GRAMD1B: variants seen among roughly 807,000 people sequenced by gnomAD.
The protein encoded by GRAMD1B is protein Aster-B.
A neutral mutation model predicts 99.7 loss-of-function variants in GRAMD1B; 37 were observed. The observed-to-expected ratio is 0.37, with a 90% CI of 0.29 to 0.49. GRAMD1B has a LOEUF of 0.49. GRAMD1B is among the 20% of genes least tolerant of loss of function. The pLI is 0.98. For synonymous variants in GRAMD1B, 427 were observed against 387.6 expected (o/e 1.10, Z -1.19); for missense variants, 888 against 1,009.2 (o/e 0.88, Z 1.63).
intron 4 of GRAMD1B, 46 bp downstream of exon 4, chr11:123,584,378 AG>A: frequency 3.2e-6 from 2 of 630,904 alleles, no homozygotes; most frequent in Non-Finnish European, 2.4e-6. Flanking sequence ...GAGAAATGGG[AG>A]GGGGAATGGA....
At chr11:123,434,420 A>G (rs993290821) in intron 1 of GRAMD1B, among the ~76,000 whole-genome samples, 1 of 152,134 alleles carries the variant, frequency 6.6e-6, no homozygotes. Flanking sequence ...TTAGGCCTCG[A>G]AGATGAAAGG....
intron 1 of GRAMD1B, chr11:123,459,732 C>T (rs1024519445): frequency 6.6e-6 from 1 of 152,072 alleles, no homozygotes; most frequent in Non-Finnish European, 1.5e-5. Flanking sequence ...ACTGGTTATT[C>T]ACAACTATCT....
At chr11:123,362,900 A>ACCAGTC (rs902947794) in intron 1 of GRAMD1B, among the ~76,000 whole-genome samples, 1 of 152,026 alleles carries the variant, frequency 6.6e-6, no homozygotes, top group Non-Finnish European at 1.5e-5. Flanking sequence ...TGGGAGGAGA[A>ACCAGTC]CCAGTCCCTG....
Position 123,593,999 on chromosome 11 carries a change from A to G in GRAMD1B, c.685-83A>G. On this transcript the variant is annotated intron_variant, in intron 4 of 19. Coordinates refer to ENST00000635736, the MANE Select transcript of GRAMD1B (RefSeq NM_001387025.1). ...CTCATCTTTGCTTTTTAAACACACA[A>G]GCAAGTGCTCCTCATCTTGCCCTTC... 4.3e-6 allele frequency: 4 copies of G among 940,146 alleles called. No individual in the cohort carries two copies. The Admixed American group carries it at 7.1e-5, about 17-fold the overall frequency. The allele number at this position is 940,146 out of a possible 1,614,324, so 58.2% of individuals were successfully genotyped here.
At chr11:123,552,087 A>T (rs1460109093) in intron 2 of GRAMD1B, among the ~76,000 whole-genome samples, 1 of 151,822 alleles carries the variant, frequency 6.6e-6, no homozygotes, top group Non-Finnish European at 1.5e-5. Flanking sequence ...CTGATCACAC[A>T]TGGGGCCCTG....
At chr11:123,566,017 A>T (rs1947333420) in intron 2 of GRAMD1B, among the ~76,000 whole-genome samples, 1 of 152,182 alleles carries the variant, frequency 6.6e-6, no homozygotes, top group Non-Finnish European at 1.5e-5. Flanking sequence ...TGTCTTTGCC[A>T]TGTGGAAAGG....
chr11:123,575,570 T>C (rs1375346220), intron 2 of GRAMD1B, among the ~76,000 whole-genome samples: 1 of 152,168 alleles, frequency 6.6e-6, no homozygotes, highest in African/African-American at 2.4e-5. Flanking sequence ...TAGAAGACAG[T>C]TTAAACCTTG....
chr11:123,424,195 T>C (rs1210317115), intron 1 of GRAMD1B, among the ~76,000 whole-genome samples: 1 of 150,116 alleles, frequency 6.7e-6, no homozygotes, highest in Non-Finnish European at 1.5e-5. Context: ...TCAAATTTCA[T>C]GCTGTCACCA....
chr11:123,585,423 C>T (rs1180952755), intron 4 of GRAMD1B, among the ~76,000 whole-genome samples: 1 of 152,210 alleles, frequency 6.6e-6, no homozygotes, highest in African/African-American at 2.4e-5. Flanking sequence ...TGCCCAGTGA[C>T]CAGCCCGTCC....
intron 7 of GRAMD1B, among the ~76,000 whole-genome samples, chr11:123,596,357 A>C (rs1006990393): frequency 6.6e-6 from 1 of 152,244 alleles, no homozygotes; most frequent in African/African-American, 2.4e-5. Context: ...TATTTAACAC[A>C]GTCTTGAAAT....
chr11:123,499,474 A>G (rs1939637363), intron 2 of GRAMD1B, among the ~76,000 whole-genome samples: 1 of 152,194 alleles, frequency 6.6e-6, no homozygotes, highest in Admixed American at 6.5e-5. Flanking sequence ...ATAGTCCAAG[A>G]ATCACCATTC....
chr11:123,539,442 T>TA (rs576479023), intron 2 of GRAMD1B, among the ~76,000 whole-genome samples: 2,750 of 95,730 alleles, frequency 0.029, 77 homozygotes, highest in African/African-American at 0.074. Flanking sequence ...TGTCCAAAAA[T>TA]AAAAATAAAA....
intron 2 of GRAMD1B, among the ~76,000 whole-genome samples, chr11:123,513,621 T>TTCCTTCCTTCCTTCCTTCCTTC (rs1306827051): frequency 5.5e-5 from 2 of 36,204 alleles, no homozygotes; most frequent in South Asian, 1.0e-3. Flanking sequence ...TTCCTTCCTT[T>TTCCTTCCTTCCTTCCTTCCTTC]CTTTCTTTCT....
intron 19 of GRAMD1B, among the ~76,000 whole-genome samples, chr11:123,620,066 A>T (rs1044637682): frequency 2.6e-5 from 4 of 152,222 alleles, no homozygotes; most frequent in Non-Finnish European, 4.4e-5. Context: ...TCATTTATAA[A>T]ATAGGAATTG....
chr11:123,514,769 C>G (rs1344910647), intron 2 of GRAMD1B, among the ~76,000 whole-genome samples: 6 of 152,248 alleles, frequency 3.9e-5, no homozygotes, highest in Non-Finnish European at 7.3e-5. Flanking sequence ...AGAAAGTACT[C>G]TGGCTCCAAG....
Position 123,594,719 on chromosome 11 carries a change from T to A in GRAMD1B, c.770-16T>A, listed in dbSNP as rs1015750871. 8.8e-6 allele frequency: 12 copies of A among 1,366,614 alleles called. No individual in the cohort carries two copies. In the East Asian group the frequency reaches 2.7e-4, roughly 31 times the overall value. 84.7% of individuals were successfully genotyped at this position (1,366,614 alleles called of 1,614,324 possible). On this transcript the variant is annotated splice_polypyrimidine_tract_variant and intron_variant, in intron 5 of 19. Coordinates refer to ENST00000635736, the MANE Select transcript of GRAMD1B (RefSeq NM_001387025.1). ...CTTCCTGCCTCTGAGCTCCCCTACC[T>A]CCGCTCCTACCACAGATTACTCATG...
At chr11:123,594,902 C>G (rs1951085485) in intron 6 of GRAMD1B, 64 bp downstream of exon 6, 4 of 836,172 alleles carry the variant, frequency 4.8e-6, no homozygotes, top group Non-Finnish European at 8.5e-6. Context: ...GCTGCCCTCG[C>G]TTTCTTCCTT....
intron 2 of GRAMD1B, among the ~76,000 whole-genome samples, chr11:123,533,393 AT>A (rs1314882076): frequency 2.6e-5 from 4 of 152,012 alleles, no homozygotes; most frequent in African/African-American, 4.8e-5. Context: ...CTAACATTTA[AT>A]TCACTCTATA....
intron 2 of GRAMD1B, among the ~76,000 whole-genome samples, chr11:123,524,065 T>C (rs951583494): frequency 6.6e-6 from 1 of 152,118 alleles, no homozygotes; most frequent in African/African-American, 2.4e-5. Flanking sequence ...TCTTAAAGAG[T>C]GTTTCTTCTG....
Sources: allele counts gnomAD v4.1 joint callset (sites outside exome capture counted in the v4.1 genomes callset), GRCh38; gene constraint gnomAD v4.1.1; transcripts MANE v1.5; gene names NCBI Gene and HGNC (gene_info 2026-07-23, HGNC 2026-07-21).